ENO4: variants seen among roughly 807,000 people sequenced by gnomAD.
ENO4 encodes enolase 4.
ENO4 carries 53 observed loss-of-function variants against 63.2 expected under a neutral mutation model. That is an observed-to-expected ratio of 0.84 (90% CI 0.67 to 1.05). The LOEUF is 1.05. Ranked by LOEUF, ENO4 falls within the 50% of genes least tolerant of loss-of-function variation. The probability of loss-of-function intolerance (pLI) is 0.00; values close to 1 mark genes in which losing one functional copy is unlikely to be tolerated. For missense variants in ENO4, 719 were observed against 772.0 expected (o/e 0.93, Z 0.81); for synonymous variants, 266 against 283.8 (o/e 0.94, Z 0.63).
intron 7 of ENO4, among the ~76,000 whole-genome samples, chr10:116,865,209 A>G (rs1456221518): frequency 6.6e-6 from 1 of 151,854 alleles, no homozygotes; most frequent in Non-Finnish European, 1.5e-5. Context: ...TTATTTTTTG[A>G]GACAGTCTAG....
rs1368511181 is a variant in ENO4, at chr10:116,879,998, T to C, written c.1723+12T>C. 2 of 1,523,788 alleles carry C rather than the reference T, an allele frequency of 1.3e-6. No homozygotes were observed. The highest frequency in any genetic ancestry group is 1.8e-6 in the Non-Finnish European group (2 of 1,124,588). The allele number at this position is 1,523,788 out of a possible 1,614,324, so 94.4% of individuals were successfully genotyped here. A position where few individuals can be genotyped will look rare whatever the true frequency, so the allele number is the denominator to read the frequency against. ...GAATGGAACACTGGGTATGCGCTGC[T>C]TTCTTGCTTTGTTTCCACTTAGCCA... On this transcript the variant is annotated intron_variant, in intron 13 of 13. Transcript: ENST00000341276.
intron 10 of ENO4, among the ~76,000 whole-genome samples, chr10:116,891,681 ATTGT>A (rs376544138): frequency 4.6e-5 from 7 of 152,116 alleles, no homozygotes; most frequent in Admixed American, 2.0e-4. Context: ...GGTAGTTTTG[ATTGT>A]TTCTTTTGGA....
chr10:116,896,749 G>A (rs983438915), intron 10 of ENO4, among the ~76,000 whole-genome samples: 1 of 150,460 alleles, frequency 6.6e-6, no homozygotes, highest in East Asian at 1.9e-4. Context: ...TCTCCACCCC[G>A]AAATAAACAG....
chr10:116,886,157 ATG>A (rs141084580), downstream of ENO4: 10,428 of 782,690 alleles, frequency 0.013, 88 homozygotes, highest in Non-Finnish European at 0.018. Flanking sequence ...CCTACTAGGA[ATG>A]TGTGTTTTGC....
intron 3 of ENO4, among the ~76,000 whole-genome samples, chr10:116,858,685 C>A (rs930154563): frequency 6.6e-6 from 1 of 152,164 alleles, no homozygotes; most frequent in Non-Finnish European, 1.5e-5. Flanking sequence ...CTGTAACCCA[C>A]AATAAAATTA....
intron 1 of ENO4, among the ~76,000 whole-genome samples, chr10:116,855,185 C>T (rs1022332823): frequency 1.3e-5 from 2 of 151,982 alleles, no homozygotes; most frequent in South Asian, 2.1e-4. Flanking sequence ...CCCTGCTACT[C>T]GGGAGGCTGA....
In ENO4 at chr10:116,881,602, C is replaced by T. The variant is rs1210785328; in HGVS notation, c.1811C>T (p.Pro604Leu). Reference sequence around the variant, plus strand: ...CTTGAGGCTGCTGCGGCTAGGGAGCCGCTGGTGCCCACCTTCCCCACACAA... The same window carrying T: ...CTTGAGGCTGCTGCGGCTAGGGAGCTGCTGGTGCCCACCTTCCCCACACAA... ...EALEAAAARE[P>L]LVPTFPTQGV... Residue 604 changes from proline to leucine, a missense_variant, in exon 14 of 14, where the codon CCG becomes CTG. By Grantham distance (98) the Pro-to-Leu change is moderately conservative (BLOSUM62 -3). Transcript: ENST00000341276. 15 of 1,550,300 alleles carry T rather than the reference C, an allele frequency of 9.7e-6. No individual in the cohort carries two copies. The highest frequency in any genetic ancestry group is 1.7e-4 in the Middle Eastern group (1 of 6,012).
downstream of ENO4, chr10:116,886,156 A>C: frequency 1.3e-6 from 1 of 777,784 alleles, no homozygotes; most frequent in South Asian, 2.1e-5. Context: ...ACCTACTAGG[A>C]ATGTGTGTTT....
chr10:116,854,515 A>T (rs1394001241), intron 1 of ENO4, among the ~76,000 whole-genome samples: 1 of 150,858 alleles, frequency 6.6e-6, no homozygotes, highest in Non-Finnish European at 1.5e-5. Flanking sequence ...AGCAGAGATC[A>T]TGCCATTGTA....
At chr10:116,863,931 T>G (rs1033131788) in intron 7 of ENO4, among the ~76,000 whole-genome samples, 1 of 152,238 alleles carries the variant, frequency 6.6e-6, no homozygotes, top group African/African-American at 2.4e-5. Context: ...TGCACTCTGC[T>G]TTGCCATTCA....
In ENO4 at chr10:116,868,662, A is replaced by G; in HGVS notation, c.1003A>G (p.Lys335Glu). Reference protein sequence around the residue: ...NKIIEMPSPPKAETKKGHDGS... With the variant: ...NKIIEMPSPPEAETKKGHDGS... ...TTCTGCCCCACAGCCCTCTCCTCCA[A>G]AAGCAGAGACAAAAAAAGGGCACGA... Residue 335 changes from lysine (K) to glutamate (E), a missense_variant, in exon 8 of 14, where the codon AAA becomes GAA. Lys to Glu is a moderately conservative substitution (Grantham distance 56). This residue lies in a region of ENO4 where 544 missense variants were observed against 583.6 expected (regional missense o/e 0.93). Transcript: ENST00000341276. 1 of 1,550,512 alleles carries G rather than the reference A, an allele frequency of 6.4e-7. No homozygotes were observed.
At chr10:116,880,569 T>C (rs1174848891) in intron 13 of ENO4, among the ~76,000 whole-genome samples, 1 of 152,242 alleles carries the variant, frequency 6.6e-6, no homozygotes, top group Non-Finnish European at 1.5e-5. Flanking sequence ...AGGAGGCCTA[T>C]AGCATGCAGT....
At chr10:116,886,871 C>T (rs1847180970), downstream of ENO4, among the ~76,000 whole-genome samples, 1 of 152,212 alleles carries the variant, frequency 6.6e-6, no homozygotes, top group African/African-American at 2.4e-5. Context: ...GCGTAAAGCT[C>T]ATGGACAAAC....
downstream of ENO4, chr10:116,911,967 T>A: frequency 1.4e-6 from 1 of 711,016 alleles, no homozygotes; most frequent in South Asian, 1.8e-5. Context: ...TATATATTTT[T>A]AAATTAGGAC....
At chr10:116,905,973 TTA>T (rs1267275477) in intron 10 of ENO4, among the ~76,000 whole-genome samples, 1 of 152,174 alleles carries the variant, frequency 6.6e-6, no homozygotes, top group Non-Finnish European at 1.5e-5. Flanking sequence ...AGATGGTACA[TTA>T]TAGTCAGTGA....
rs749622679 is a variant in ENO4, at chr10:116,849,666, C to G, written c.100C>G (p.Arg34Gly). Residue 34 changes from arginine (R) to glycine (G), a missense_variant, in exon 1 of 14, where the codon CGC becomes GGC. Physicochemically the swap from Arg to Gly is moderately radical, Grantham distance 125 (BLOSUM62 -2). This residue lies in a region of ENO4 where 544 missense variants were observed against 583.6 expected (regional missense o/e 0.93). Coordinates refer to ENST00000341276, the MANE Select transcript of ENO4 (RefSeq NM_001242699.2). ...GTACTACCGGGAGAACGACGTTCCGCGCAGGCTGGAAGAGCTGCTCAACTC... is the reference window on the plus strand; with the variant it reads ...GTACTACCGGGAGAACGACGTTCCGGGCAGGCTGGAAGAGCTGCTCAACTC... ...MEYYRENDVP[R>G]RLEELLNSTF... The G allele has an allele frequency of 6.5e-7, 1 of 1,550,078 alleles. No homozygotes were observed. Among genetic ancestry groups the G allele is most frequent in the South Asian group, 1.2e-5 (1 of 84,010 alleles).
At chr10:116,879,772 A>G in intron 12 of ENO4, 97 bp from the exon 13 acceptor site, 2 of 934,074 alleles carry the variant, frequency 2.1e-6, no homozygotes, top group Non-Finnish European at 3.2e-6. Context: ...AATCCCAAAC[A>G]GCACACTGTG....
intron 9 of ENO4, among the ~76,000 whole-genome samples, chr10:116,872,023 C>T (rs574218620): frequency 6.6e-6 from 1 of 152,228 alleles, no homozygotes; most frequent in Non-Finnish European, 1.5e-5. Flanking sequence ...ATGGTGAAAC[C>T]CCCCTCTACA....
chr10:116,876,565 T>C (rs1362586180), intron 11 of ENO4, among the ~76,000 whole-genome samples: 1 of 152,262 alleles, frequency 6.6e-6, no homozygotes, highest in East Asian at 1.9e-4. Context: ...ACAGGAGGAC[T>C]AATGGCTGAT....
Sources: allele counts gnomAD v4.1 joint callset (sites outside exome capture counted in the v4.1 genomes callset), GRCh38; gene constraint gnomAD v4.1.1; regional missense constraint gnomAD v4.1.1; transcripts MANE v1.5; gene names NCBI Gene and HGNC (gene_info 2026-07-23, HGNC 2026-07-21).